The following GABRB1 variants were observed in gnomAD, a reference collection of about 807,000 sequenced individuals.
The protein encoded by GABRB1 is gamma-aminobutyric acid type A receptor subunit beta1.
Under a neutral mutation model 51.6 loss-of-function variants are expected in GABRB1, and 17 were observed. That is an observed-to-expected ratio of 0.33 (90% CI 0.23 to 0.49). The LOEUF (loss-of-function observed/expected upper bound fraction) is 0.49, where lower values mean the gene tolerates loss of function less well. Ranked by LOEUF, GABRB1 falls within the 20% of genes least tolerant of loss-of-function variation. The pLI is 0.99. For missense variants in GABRB1, 410 were observed against 600.6 expected, an observed-to-expected ratio of 0.68 and a Z score of 3.32; for synonymous variants, 247 against 218.9, an observed-to-expected ratio of 1.13 and a Z score of -1.14.
chr4:47,390,214 C>T (rs964800314), intron 5 of GABRB1, among the ~76,000 whole-genome samples: 2 of 152,198 alleles, frequency 1.3e-5, no homozygotes, highest in African/African-American at 4.8e-5. Flanking sequence ...TGGATTGTTG[C>T]CTAACCCTGA....
intron 5 of GABRB1, among the ~76,000 whole-genome samples, chr4:47,359,424 A>G (rs1726716653): frequency 6.6e-6 from 1 of 152,150 alleles, no homozygotes; most frequent in Non-Finnish European, 1.5e-5. Flanking sequence ...GTGCTTATAC[A>G]TACATCAGTT....
At chr4:47,215,132 A>G (rs1720503852) in intron 4 of GABRB1, among the ~76,000 whole-genome samples, 1 of 152,020 alleles carries the variant, frequency 6.6e-6, no homozygotes, top group African/African-American at 2.4e-5. Context: ...AGGAAGGGGG[A>G]CACTGTTATT....
At chr4:47,388,554 T>C (rs533882128) in intron 5 of GABRB1, among the ~76,000 whole-genome samples, 2 of 152,284 alleles carry the variant, frequency 1.3e-5, no homozygotes, top group South Asian at 2.1e-4. Flanking sequence ...TGGGGATACG[T>C]CCAAATCTGC....
intron 4 of GABRB1, among the ~76,000 whole-genome samples, chr4:47,189,652 G>A (rs925210781): frequency 1.1e-4 from 16 of 151,658 alleles, no homozygotes; most frequent in Non-Finnish European, 1.9e-4. Context: ...TAGTTGATTC[G>A]CATTCCTAAA....
intron 4 of GABRB1, among the ~76,000 whole-genome samples, chr4:47,221,191 T>G (rs1235806470): frequency 6.6e-6 from 1 of 152,040 alleles, no homozygotes; most frequent in African/African-American, 2.4e-5. Flanking sequence ...CCATGAAGAC[T>G]GCACTGATTT....
chr4:47,265,892 A>T (rs955186696), intron 4 of GABRB1, among the ~76,000 whole-genome samples: 1 of 152,028 alleles, frequency 6.6e-6, no homozygotes, highest in African/African-American at 2.4e-5. Context: ...TCTAATTTAC[A>T]TGTTGTCTGT....
At chr4:47,313,106 T>C (rs1310361982) in intron 4 of GABRB1, among the ~76,000 whole-genome samples, 1 of 152,168 alleles carries the variant, frequency 6.6e-6, no homozygotes, top group East Asian at 1.9e-4. Context: ...CCCATTATAG[T>C]GTTCTGACCT....
chr4:47,215,810 A>G (rs1720532080), intron 4 of GABRB1, among the ~76,000 whole-genome samples: 1 of 152,120 alleles, frequency 6.6e-6, no homozygotes, highest in African/African-American at 2.4e-5. Flanking sequence ...AGATGCTCAA[A>G]CACCCTAGAA....
intron 4 of GABRB1, among the ~76,000 whole-genome samples, chr4:47,299,938 T>C (rs1724181894): frequency 6.6e-6 from 1 of 151,660 alleles, no homozygotes; most frequent in South Asian, 2.1e-4. Context: ...ATGTCCTTTG[T>C]AGGGACATGG....
intron 3 of GABRB1, among the ~76,000 whole-genome samples, chr4:47,080,014 TA>T (rs930324911): frequency 2.1e-4 from 32 of 151,426 alleles, no homozygotes; most frequent in Non-Finnish European, 4.6e-4. Flanking sequence ...AAAAGAAATA[TA>T]AAAAAAACTG....
At chr4:47,113,108 G>T (rs905036127) in intron 3 of GABRB1, among the ~76,000 whole-genome samples, 2 of 152,020 alleles carry the variant, frequency 1.3e-5, no homozygotes, top group African/African-American at 4.8e-5. Flanking sequence ...AATCAGGGCC[G>T]GGTGCAGTGG....
intron 3 of GABRB1, among the ~76,000 whole-genome samples, chr4:47,132,581 A>G (rs1407865356): frequency 3.9e-5 from 6 of 152,198 alleles, no homozygotes; most frequent in African/African-American, 1.4e-4. Context: ...AGTTAAAATG[A>G]ACTTTTTATA....
chr4:47,340,090 A>G (rs1725830314), intron 5 of GABRB1, among the ~76,000 whole-genome samples: 1 of 152,186 alleles, frequency 6.6e-6, no homozygotes, highest in Admixed American at 6.5e-5. Context: ...GAGTCACTCA[A>G]TATATTCAAG....
At chr4:47,224,665 C>G (rs1578014226) in intron 4 of GABRB1, among the ~76,000 whole-genome samples, 2 of 152,140 alleles carry the variant, frequency 1.3e-5, no homozygotes, top group East Asian at 3.9e-4. Flanking sequence ...TGGAATCTGC[C>G]AGGACAGACA....
At chr4:47,307,885 AT>A (rs1724527731) in intron 4 of GABRB1, among the ~76,000 whole-genome samples, 1 of 151,990 alleles carries the variant, frequency 6.6e-6, no homozygotes, top group South Asian at 2.1e-4. Flanking sequence ...CAAAAGTACC[AT>A]TTTTCATCTA....
intron 4 of GABRB1, among the ~76,000 whole-genome samples, chr4:47,247,758 T>A (rs1231957948): frequency 6.6e-6 from 1 of 152,088 alleles, no homozygotes; most frequent in African/African-American, 2.4e-5. Context: ...TATTCCTAAG[T>A]ATTATATATT....
intron 7 of GABRB1, 48 bp from the exon 8 acceptor site, chr4:47,406,634 A>T: frequency 6.2e-7 from 1 of 1,610,446 alleles, no homozygotes; most frequent in Non-Finnish European, 8.5e-7. Flanking sequence ...TTGAAAAAGG[A>T]ACTTAATAGT....
At chr4:47,083,538 C>T (rs1362325415) in intron 3 of GABRB1, among the ~76,000 whole-genome samples, 3 of 152,024 alleles carry the variant, frequency 2.0e-5, no homozygotes, top group Admixed American at 2.0e-4. Flanking sequence ...TGCATCAAAA[C>T]CTTTGCATTT....
At chr4:47,004,538 G>A (rs143013449) in intron 1 of GABRB1, among the ~76,000 whole-genome samples, 1 of 151,288 alleles carries the variant, frequency 6.6e-6, no homozygotes, top group Non-Finnish European at 1.5e-5. Context: ...TAAAAAAAAA[G>A]AATAGGTTCC....
Sources: gnomAD v4.1 joint callset for allele counts (sites outside exome capture counted in the v4.1 genomes callset) on GRCh38, gnomAD v4.1.1 for gene constraint, MANE v1.5 for transcripts, NCBI Gene and HGNC (gene_info 2026-07-23, HGNC 2026-07-21) for gene names.